The following FNBP1 variants were observed in gnomAD, a reference collection of about 807,000 sequenced individuals.
FNBP1 encodes the protein formin-binding protein 1.
Under a neutral mutation model 90.6 loss-of-function variants are expected in FNBP1, and 26 were observed. That is an observed-to-expected ratio of 0.29 (90% CI 0.21 to 0.40). The LOEUF (loss-of-function observed/expected upper bound fraction) is 0.40, where lower values mean the gene tolerates loss of function less well. Among genes scored for constraint, FNBP1 ranks in the 10% least tolerant of loss-of-function variants. The pLI, the probability that FNBP1 is intolerant of heterozygous loss-of-function variation, is 1.00. For synonymous variants in FNBP1, 260 were observed against 265.2 expected, an observed-to-expected ratio of 0.98 and a Z score of 0.19; for missense variants, 635 against 768.0, an observed-to-expected ratio of 0.83 and a Z score of 2.05.
chr9:129,984,881 A>G (rs2051907984), intron 2 of FNBP1, among the ~76,000 whole-genome samples: 1 of 151,982 alleles, frequency 6.6e-6, no homozygotes, highest in South Asian at 2.1e-4. Context: ...CCCAGCCATG[A>G]TTCTGAGGCC....
At chr9:129,995,506 A>T (rs2053855044) in intron 1 of FNBP1, among the ~76,000 whole-genome samples, 2 of 152,198 alleles carry the variant, frequency 1.3e-5, no homozygotes, top group Non-Finnish European at 2.9e-5. Context: ...ATGAACAAAA[A>T]TACAGCCTGA....
chr9:129,910,576 C>T (rs1013225832), intron 11 of FNBP1, among the ~76,000 whole-genome samples: 7 of 151,002 alleles, frequency 4.6e-5, no homozygotes, highest in Non-Finnish European at 8.8e-5. Flanking sequence ...TACTTTAAAC[C>T]CTCAATTCTT....
At chr9:130,000,619 C>G (rs1289470311) in intron 1 of FNBP1, among the ~76,000 whole-genome samples, 2 of 152,028 alleles carry the variant, frequency 1.3e-5, no homozygotes, top group South Asian at 2.1e-4. Context: ...ATATCAGTAC[C>G]AATCTCATCT....
At chr9:129,961,488 G>A (rs1043546908) in intron 4 of FNBP1, among the ~76,000 whole-genome samples, 13 of 152,280 alleles carry the variant, frequency 8.5e-5, no homozygotes, top group Admixed American at 6.5e-4. Flanking sequence ...GGAAGGAAGT[G>A]CTAGAAATAT....
At chr9:129,895,584 C>A in intron 16 of FNBP1, 1 of 1,240,190 alleles carries the variant, frequency 8.1e-7, no homozygotes, top group South Asian at 3.9e-5. Flanking sequence ...AATGACATAG[C>A]TGTAAGTTGG....
intron 6 of FNBP1, among the ~76,000 whole-genome samples, chr9:129,950,313 A>G: frequency 6.6e-6 from 1 of 152,220 alleles, no homozygotes; most frequent in East Asian, 1.9e-4. Context: ...TGATGCCAAA[A>G]TTGGGTAATT....
upstream of FNBP1, among the ~76,000 whole-genome samples, chr9:130,045,758 T>C (rs1201200200): frequency 6.6e-6 from 1 of 152,094 alleles, no homozygotes; most frequent in East Asian, 1.9e-4. Context: ...ACACCAATGA[T>C]CATGAAGCCA....
chr9:129,937,559 C>T (rs562710538), intron 6 of FNBP1, among the ~76,000 whole-genome samples: 98 of 145,670 alleles, frequency 6.7e-4, no homozygotes, highest in Non-Finnish European at 1.7e-4. Flanking sequence ...AGTGAAACCC[C>T]GTCTCTACTA....
rs1418978249 is a variant in FNBP1 at position 130,041,584 on chromosome 9, T to A, written c.24+1368A>T. 6.6e-6 allele frequency among the ~76,000 whole-genome samples: 1 copy of A among 152,232 alleles called. No homozygotes were observed. Among genetic ancestry groups the A allele is most frequent in the African/African-American group, 2.4e-5 (1 of 41,458 alleles). On this transcript the variant is annotated intron_variant, in intron 1 of 16. Coordinates refer to ENST00000446176, the MANE Select transcript of FNBP1 (RefSeq NM_015033.3). This position sits in a 1 kb window ranked among gnomAD's most constrained non-coding sequence, Gnocchi z 4.3. ...TGGTGTGTGCAAATATTTTAAACTA[T>A]TTTATTTTCAAAATGGATACTTGTA...
At chr9:129,950,816 CAG>C (rs1564411802) in intron 6 of FNBP1, among the ~76,000 whole-genome samples, 1 of 152,070 alleles carries the variant, frequency 6.6e-6, no homozygotes, top group Non-Finnish European at 1.5e-5. Context: ...TTTTTTGAGA[CAG>C]GGTCTTGCTC....
At chr9:129,914,806 A>C (rs2040009737) in intron 11 of FNBP1, 1 of 165,536 alleles carries the variant, frequency 6.0e-6, no homozygotes, top group African/African-American at 2.7e-5. Context: ...TCACCATAAA[A>C]TACTATCCTA....
intron 6 of FNBP1, among the ~76,000 whole-genome samples, chr9:129,950,308 C>A (rs1415991422): frequency 6.6e-6 from 1 of 152,110 alleles, no homozygotes; most frequent in Non-Finnish European, 1.5e-5. Flanking sequence ...GTTTGTGATG[C>A]CAAAATTGGG....
chr9:130,003,012 C>G (rs966095378), intron 1 of FNBP1, among the ~76,000 whole-genome samples: 3 of 152,062 alleles, frequency 2.0e-5, no homozygotes, highest in African/African-American at 7.2e-5. Flanking sequence ...AATCAATATG[C>G]AATTGCTACT....
chr9:129,921,392 G>T (rs1424920707), intron 10 of FNBP1, among the ~76,000 whole-genome samples: 160 of 144,154 alleles, frequency 1.1e-3, no homozygotes, highest in Non-Finnish European at 1.5e-3. Flanking sequence ...TTTTTCATGG[G>T]TTTTTTTTTT....
chr9:129,890,626 G>A lies in FNBP1; in HGVS notation c.1847-80C>T. The A allele has an allele frequency of 8.5e-7, 1 of 1,176,858 alleles. No homozygotes were observed. The highest frequency in any genetic ancestry group is 1.2e-6 in the Non-Finnish European group (1 of 806,192). 72.9% of individuals were successfully genotyped at this position (1,176,858 alleles called of 1,614,324 possible). A position where few individuals can be genotyped will look rare whatever the true frequency, so the allele number is the denominator to read the frequency against. On this transcript the variant is annotated intron_variant, in intron 16 of 16. Transcript: ENST00000446176. The surrounding 1 kb of genome is among the most constrained non-coding windows in gnomAD (Gnocchi z 5.8). ...GGTTCCAGGCGGGCATTTTGCTCTT[G>A]GCTACAAACTGCACCGCCCTGGGAG...
At chr9:130,015,442 T>G (rs958422248) in intron 1 of FNBP1, among the ~76,000 whole-genome samples, 1 of 152,114 alleles carries the variant, frequency 6.6e-6, no homozygotes, top group African/African-American at 2.4e-5. Flanking sequence ...CCATTATCAA[T>G]AGACTCCCTG....
rs2059975389 is a variant in FNBP1 at position 130,042,931 on chromosome 9, CG to C, written c.24+20del. On this transcript the variant is annotated intron_variant, in intron 1 of 16. Coordinates refer to ENST00000446176, the MANE Select transcript of FNBP1 (RefSeq NM_015033.3). This position sits in a 1 kb window ranked among gnomAD's most constrained non-coding sequence, Gnocchi z 5.5. ...GCAGCGCGCGCCCCGCATCTGCCCG[CG>C]GGCCCAGCCCCTCACTCACCCAGAG... 2 of 1,231,044 alleles carry C rather than the reference CG, an allele frequency of 1.6e-6. No individual in the cohort carries two copies. The highest frequency in any genetic ancestry group is 3.7e-5 in the South Asian group (1 of 26,752). The allele number at this position is 1,231,044 out of a possible 1,614,324, so 76.3% of individuals were successfully genotyped here.
the FNBP1 span, among the ~76,000 whole-genome samples, chr9:130,048,626 C>T: frequency 6.6e-6 from 1 of 150,914 alleles, no homozygotes; most frequent in African/African-American, 2.4e-5. Context: ...CTACAGGCGC[C>T]CGCCATCACG....
intron 6 of FNBP1, chr9:129,933,584 C>A (rs188386838): frequency 6.6e-6 from 1 of 152,294 alleles, no homozygotes; most frequent in African/African-American, 2.4e-5. Context: ...ACCAACATGT[C>A]TACAGTCCAG....
Sources: gnomAD v4.1 joint callset for allele counts (sites outside exome capture counted in the v4.1 genomes callset) on GRCh38, gnomAD v4.1.1 for gene constraint, Gnocchi (gnomAD v3.1) non-coding constraint, MANE v1.5 for transcripts, NCBI Gene and HGNC (gene_info 2026-07-23, HGNC 2026-07-21) for gene names.